Variants in CADPS observed in about 807,000 individuals in gnomAD.
The protein encoded by CADPS is calcium dependent secretion activator.
A neutral mutation model predicts 167.3 loss-of-function variants in CADPS; 57 were observed. That is an observed-to-expected ratio of 0.34 (90% CI 0.28 to 0.42). The LOEUF (loss-of-function observed/expected upper bound fraction) is 0.42, where lower values mean the gene tolerates loss of function less well. Ranked by LOEUF, CADPS falls within the 20% of genes least tolerant of loss-of-function variation. The probability of loss-of-function intolerance (pLI) is 1.00; values close to 1 mark genes in which losing one functional copy is unlikely to be tolerated. For missense variants in CADPS, 1,414 were observed against 1,738.1 expected (o/e 0.81, Z 3.32); for synonymous variants, 676 against 635.3 (o/e 1.06, Z -0.96).
At chr3:62,813,319 CA>C (rs2094469698) in intron 1 of CADPS, among the ~76,000 whole-genome samples, 1 of 152,062 alleles carries the variant, frequency 6.6e-6, no homozygotes, top group Non-Finnish European at 1.5e-5. Flanking sequence ...CACACACCTA[CA>C]AGCATCTGAT....
intron 1 of CADPS, among the ~76,000 whole-genome samples, chr3:62,846,483 G>C (rs1231014435): frequency 6.6e-6 from 1 of 152,136 alleles, no homozygotes; most frequent in East Asian, 1.9e-4. Flanking sequence ...GTTACTTGAA[G>C]TGCTCTTACA....
chr3:62,516,256 G>C, intron 15 of CADPS, 74 bp from the exon 16 acceptor site: 1 of 1,552,772 alleles, frequency 6.4e-7, no homozygotes. Context: ...TCTTAGAAGC[G>C]TGAAAGTTTA....
intron 3 of CADPS, among the ~76,000 whole-genome samples, chr3:62,733,201 C>T (rs1432611590): frequency 3.3e-5 from 5 of 152,220 alleles, no homozygotes; most frequent in Non-Finnish European, 5.9e-5. Context: ...TCACCCATCT[C>T]TACACAGGCA....
chr3:62,654,447 G>T (rs1027119801), intron 4 of CADPS, among the ~76,000 whole-genome samples: 10 of 152,190 alleles, frequency 6.6e-5, no homozygotes, highest in Non-Finnish European at 1.2e-4. Flanking sequence ...TTGCCACCAG[G>T]TTGAGTTGGC....
intron 1 of CADPS, chr3:62,796,059 G>C (rs2093383247): frequency 6.6e-6 from 1 of 152,244 alleles, no homozygotes; most frequent in Non-Finnish European, 1.5e-5. Context: ...GATCCTGTAA[G>C]AACCAGGAGC....
intron 3 of CADPS, among the ~76,000 whole-genome samples, chr3:62,729,517 C>T (rs538386884): frequency 2.3e-4 from 35 of 151,896 alleles, no homozygotes; most frequent in Admixed American, 1.5e-3. Context: ...ATCAGAGAGA[C>T]CTTGGATGAA....
chr3:62,498,214 T>C (rs1234584699), intron 18 of CADPS: 9 of 456,448 alleles, frequency 2.0e-5, no homozygotes, highest in South Asian at 6.2e-5. Context: ...AATTTAAATA[T>C]GCAATCAGGC....
chr3:62,818,064 G>A (rs575324379), intron 1 of CADPS, among the ~76,000 whole-genome samples: 2 of 152,034 alleles, frequency 1.3e-5, no homozygotes, highest in Admixed American at 1.3e-4. Context: ...AAAATTCAGC[G>A]CCAAGTCCAG....
chr3:62,778,189 A>G (rs1226800534), intron 1 of CADPS, among the ~76,000 whole-genome samples: 2 of 152,192 alleles, frequency 1.3e-5, no homozygotes, highest in African/African-American at 2.4e-5. Flanking sequence ...GACAAACTAT[A>G]TATTTCACGT....
At chr3:62,792,570 G>A (rs535121601) in intron 1 of CADPS, among the ~76,000 whole-genome samples, 119 of 151,810 alleles carry the variant, frequency 7.8e-4, no homozygotes, top group African/African-American at 2.5e-3. Flanking sequence ...ATGAAAGCTC[G>A]CATTATAATT....
At position 62,638,091 on chromosome 3, in the gene CADPS, ATATG is replaced by A. The variant is rs763671662; in HGVS notation, c.1325+7627_1325+7630del. Among the ~76,000 whole-genome samples the A allele has an allele frequency of 0.022, 232 of 10,732 alleles. 2 individuals are homozygous for A. In the South Asian group the frequency reaches 0.28, roughly 13 times the overall value. The allele number at this position is 10,732 out of a possible 152,430, so 7.0% of individuals were successfully genotyped here. ...TGTTTTAAGCATTATATATATATAT[ATATG>A]TATATATATATAGCAATTAATTTTC... On this transcript the variant is annotated intron_variant, in intron 6 of 29. Transcript: ENST00000383710.
chr3:62,710,619 C>T (rs114653269), intron 3 of CADPS, among the ~76,000 whole-genome samples: 1 of 149,370 alleles, frequency 6.7e-6, no homozygotes, highest in Non-Finnish European at 1.5e-5. Context: ...TCCCTATTCC[C>T]TCCCACTGAG....
In CADPS at chr3:62,874,814, G is replaced by C. The variant is rs1312234200; in HGVS notation, c.216C>G (p.Gly72=). The change falls in exon 1 of 30, where the codon GGC becomes GGG. Residue 72 remains glycine (G), a synonymous_variant. Coordinates refer to ENST00000383710, the MANE Select transcript of CADPS (RefSeq NM_003716.4). This position sits in a 1 kb window ranked among gnomAD's most constrained non-coding sequence, Gnocchi z 7.1. ...TGGGTTGCAGCCCCCCGGCCCCGCC[G>C]CCGCTGCTCGCGCCGCTGCCCCCGC... ...GGGGGSGASS[G]GGAGGLQPSS... 4.6e-6 allele frequency: 5 copies of C among 1,093,952 alleles called. No homozygotes were observed. The African/African-American group carries it at 6.7e-5, about 15-fold the overall frequency. The allele number at this position is 1,093,952 out of a possible 1,614,324, so 67.8% of individuals were successfully genotyped here. A position where few individuals can be genotyped will look rare whatever the true frequency, so the allele number is the denominator to read the frequency against.
At chr3:62,507,169 T>C (rs571361337) in intron 17 of CADPS, among the ~76,000 whole-genome samples, 1 of 152,250 alleles carries the variant, frequency 6.6e-6, no homozygotes, top group Admixed American at 6.5e-5. Flanking sequence ...GCTTGGAGCA[T>C]CTGGAGGGAT....
chr3:62,450,986 T>C (rs575667642), intron 26 of CADPS, among the ~76,000 whole-genome samples: 49 of 152,338 alleles, frequency 3.2e-4, no homozygotes, highest in African/African-American at 1.1e-3. Context: ...TTTAGTTTCT[T>C]TTTTTAAAAA....
chr3:62,816,180 T>C (rs1339432135), intron 1 of CADPS, among the ~76,000 whole-genome samples: 1 of 152,132 alleles, frequency 6.6e-6, no homozygotes, highest in Non-Finnish European at 1.5e-5. Flanking sequence ...ACAGAATGTG[T>C]TATGCATACC....
chr3:62,754,969 C>T (rs1165022817), intron 2 of CADPS, among the ~76,000 whole-genome samples: 2 of 152,196 alleles, frequency 1.3e-5, no homozygotes, highest in East Asian at 3.8e-4. Context: ...TCTACTTGGG[C>T]AAGGAACGTG....
In CADPS at chr3:62,532,804, C is replaced by T. The variant is rs1221326850; in HGVS notation, c.2291+67G>A. ...AGACAGGCAGATCCTAAAAGCAAGACTAGCCATAAACCATTGCCAGTGCCA... is the reference window on the plus strand; with the variant it reads ...AGACAGGCAGATCCTAAAAGCAAGATTAGCCATAAACCATTGCCAGTGCCA... On this transcript the variant is annotated intron_variant, in intron 13 of 29. Coordinates refer to ENST00000383710, the MANE Select transcript of CADPS (RefSeq NM_003716.4). The T allele has an allele frequency of 2.7e-6, 4 of 1,457,360 alleles. No individual in the cohort carries two copies. The East Asian group carries it at 6.9e-5, about 25-fold the overall frequency. The allele number at this position is 1,457,360 out of a possible 1,614,324, so 90.3% of individuals were successfully genotyped here.
intron 26 of CADPS, among the ~76,000 whole-genome samples, chr3:62,453,919 C>G (rs1156776153): frequency 6.6e-6 from 1 of 152,148 alleles, no homozygotes; most frequent in African/African-American, 2.4e-5. Flanking sequence ...GATGCATATA[C>G]ATCATGAGGC....
Sources: allele counts gnomAD v4.1 joint callset (sites outside exome capture counted in the v4.1 genomes callset), GRCh38; gene constraint gnomAD v4.1.1; non-coding constraint Gnocchi (gnomAD v3.1); transcripts MANE v1.5; gene names NCBI Gene and HGNC (gene_info 2026-07-23, HGNC 2026-07-21).